The following MUC5B variants were observed in gnomAD, a reference collection of about 807,000 sequenced individuals.
MUC5B encodes mucin 5B, oligomeric mucus/gel-forming.
A neutral mutation model predicts 376.9 loss-of-function variants in MUC5B; 116 were observed. The observed-to-expected ratio is 0.31, with a 90% CI of 0.26 to 0.36. The LOEUF (loss-of-function observed/expected upper bound fraction) is 0.36, where lower values mean the gene tolerates loss of function less well. Ranked by LOEUF, MUC5B falls within the 10% of genes least tolerant of loss-of-function variation. The pLI, the probability that MUC5B is intolerant of heterozygous loss-of-function variation, is 1.00. For synonymous variants in MUC5B, 3,517 were observed against 3,390.9 expected, an observed-to-expected ratio of 1.04 and a Z score of -1.29; for missense variants, 7,165 against 7,769.9, an observed-to-expected ratio of 0.92 and a Z score of 2.93.
intron 39 of MUC5B, 90 bp downstream of exon 39, chr11:1,256,861 T>A: frequency 1.0e-6 from 1 of 985,640 alleles, no homozygotes; most frequent in Non-Finnish European, 1.5e-6. Context: ...CATGATGTGC[T>A]CTCCCCTCTC....
In MUC5B at chr11:1,257,316, G is replaced by A; in HGVS notation, c.16269+45G>A. On this transcript the variant is annotated intron_variant, in intron 40 of 48. Coordinates refer to ENST00000529681, the MANE Select transcript of MUC5B (RefSeq NM_002458.3). The surrounding 1 kb of genome is among the most constrained non-coding windows in gnomAD (Gnocchi z 8.9). ...CCTGCCCTACCCCACCCTCTCGCGA[G>A]CTGAGGGAGGGAGGGAAGGAGCATC... 1.3e-6 allele frequency: 1 copy of A among 791,402 alleles called. No homozygotes were observed. Among genetic ancestry groups the A allele is most frequent in the Middle Eastern group, 2.2e-4 (1 of 4,458 alleles). The allele number at this position is 791,402 out of a possible 1,614,324, so 49.0% of individuals were successfully genotyped here.
Position 1,246,160 on chromosome 11 carries a change from A to T in MUC5B, c.9280A>T (p.Ile3094Phe). 1.2e-6 allele frequency: 2 copies of T among 1,607,350 alleles called. No individual in the cohort carries two copies. Among genetic ancestry groups the T allele is most frequent in the South Asian group, 2.2e-5 (2 of 90,704 alleles). Residue 3094 changes from isoleucine to phenylalanine, a missense_variant, in exon 31 of 49, where the codon ATC becomes TTC. Transcript: ENST00000529681. ...CACACCCATGGCCACCATGTCCACA[A>T]TCCACCCCTCCTCCACTCCGGAGAC... ...TTTPMATMSTIHPSSTPETTH... is the reference protein window; with the variant it reads ...TTTPMATMSTFHPSSTPETTH...
At chr11:1,254,405 G>A in intron 34 of MUC5B, 54 bp downstream of exon 34, 17 of 1,582,900 alleles carry the variant, frequency 1.1e-5, no homozygotes, top group Non-Finnish European at 1.5e-5. Context: ...CCGCACCTGG[G>A]CAGGCCGACT....
Position 1,258,428 on chromosome 11 carries a change from C to G in MUC5B, c.16593+61C>G. The G allele has an allele frequency of 6.3e-7, 1 of 1,581,804 alleles. No individual in the cohort carries two copies. The highest frequency in any genetic ancestry group is 8.6e-7 in the Non-Finnish European group (1 of 1,160,886). The stretch of plus-strand genomic sequence containing the variant: ...GCCTGAACATGTGTGTGGGATGCCC[C>G]GGGGCTCTCTGAGCCCCACTCCTTG... On this transcript the variant is annotated intron_variant, in intron 43 of 48. Coordinates refer to ENST00000529681, the MANE Select transcript of MUC5B (RefSeq NM_002458.3). This position sits in a 1 kb window ranked among gnomAD's most constrained non-coding sequence, Gnocchi z 5.5.
intron 32 of MUC5B, 69 bp downstream of exon 32, chr11:1,252,593 A>T: frequency 6.9e-7 from 1 of 1,439,244 alleles, no homozygotes; most frequent in Non-Finnish European, 9.2e-7. Flanking sequence ...AGGCACAGCC[A>T]CAGTCCAGCT....
chr11:1,224,026 G>A (rs552711685), intron 1 of MUC5B, among the ~76,000 whole-genome samples: 1 of 152,356 alleles, frequency 6.6e-6, no homozygotes, highest in Non-Finnish European at 1.5e-5. Flanking sequence ...GGAGGCAGGG[G>A]GCTTCCCCCA....
At chr11:1,224,361 G>A (rs1861830545) in intron 1 of MUC5B, among the ~76,000 whole-genome samples, 1 of 151,988 alleles carries the variant, frequency 6.6e-6, no homozygotes, top group Non-Finnish European at 1.5e-5. Context: ...CTGGTGGTGG[G>A]CACTTCTCTG....
At position 1,249,060 on chromosome 11, in the gene MUC5B, G is replaced by C. The variant is rs761652043; in HGVS notation, c.12180G>C (p.Gln4060His). 4 of 1,610,084 alleles carry C rather than the reference G, an allele frequency of 2.5e-6. No homozygotes were observed. Among genetic ancestry groups the C allele is most frequent in the Non-Finnish European group, 8.5e-7 (1 of 1,179,268 alleles). The change falls in exon 31 of 49, where the codon CAG becomes CAC. Residue 4060 changes from glutamine (Q) to histidine (H), a missense_variant. By Grantham distance (24) the Gln-to-His change is conservative. Transcript: ENST00000529681. Reference sequence around the variant, plus strand: ...CAGCAGCAACCACCGGTACCACCCAGCACTCGACTCCAGCCCTGTCCAGCC... The same window carrying C: ...CAGCAGCAACCACCGGTACCACCCACCACTCGACTCCAGCCCTGTCCAGCC... Reference protein sequence around the residue: ...HTPAATTGTTQHSTPALSSPH... With the variant: ...HTPAATTGTTHHSTPALSSPH...
Position 1,241,403 on chromosome 11 carries a change from A to C in MUC5B, c.4523A>C (p.Gln1508Pro). ...ACCACCACCTGCCAGCCCCGGTGTC[A>C]GTGGACAGAGTGGTTTGATGAGGAC... is the stretch of plus-strand genomic sequence containing the variant. The part of the protein sequence containing the change: ...PGTTTCQPRC[Q>P]WTEWFDEDYP... The change falls in exon 31 of 49, where the codon CAG becomes CCG. Residue 1508 changes from glutamine to proline, a missense_variant. Physicochemically the swap from Gln to Pro is moderately conservative, Grantham distance 76. Coordinates refer to ENST00000529681, the MANE Select transcript of MUC5B (RefSeq NM_002458.3). 6.2e-7 allele frequency: 1 copy of C among 1,613,498 alleles called. No individual in the cohort carries two copies.
rs1192647390 is a variant in MUC5B, at chr11:1,246,628, A to G, written c.9748A>G (p.Thr3250Ala). 3.7e-6 allele frequency: 6 copies of G among 1,611,490 alleles called. No homozygotes were observed. The highest frequency in any genetic ancestry group is 5.1e-6 in the Non-Finnish European group (6 of 1,179,056). ...IPSSSLGTAW[T>A]RLSQTTTPTA... ...CTCTTCCTCCCTGGGCACCGCCTGG[A>G]CCCGCCTATCACAGACCACCACACC... The change falls in exon 31 of 49, where the codon ACC (threonine) becomes GCC (alanine). Residue 3250 changes from threonine (T) to alanine (A), a missense_variant. Thr to Ala is a moderately conservative substitution (Grantham distance 58). Transcript: ENST00000529681.
chr11:1,230,286 A>G lies in MUC5B; in HGVS notation c.1359+143A>G, dbSNP rs897669108. On this transcript the variant is annotated intron_variant, in intron 11 of 48. Coordinates refer to ENST00000529681, the MANE Select transcript of MUC5B (RefSeq NM_002458.3). The stretch of plus-strand genomic sequence containing the variant: ...GGAGCCCTGGGTCCCCATGATGGTC[A>G]TAGAGGGATGGCTCTCCCTGCTGAG... 5 of 1,301,960 alleles carry G rather than the reference A, an allele frequency of 3.8e-6. No individual in the cohort carries two copies. In the African/African-American group the frequency reaches 4.4e-5, roughly 12 times the overall value. 80.7% of individuals were successfully genotyped at this position (1,301,960 alleles called of 1,614,324 possible).
At chr11:1,259,569 AGGTGCT>A (rs1428454833) in intron 44 of MUC5B, 181 bp from the exon 45 acceptor site, 6 of 613,264 alleles carry the variant, frequency 9.8e-6, no homozygotes, top group Non-Finnish European at 1.7e-5. Context: ...GGCAGAGAGA[AGGTGCT>A]GGAAACTGGG....
In MUC5B at chr11:1,257,668, A is replaced by G. The variant is rs1862877748; in HGVS notation, c.16408A>G (p.Arg5470Gly). 5.1e-6 allele frequency: 8 copies of G among 1,582,084 alleles called. No individual in the cohort carries two copies. Among genetic ancestry groups the G allele is most frequent in the Non-Finnish European group, 6.8e-6 (8 of 1,171,370 alleles). Residue 5470 changes from arginine to glycine, a missense_variant, in exon 41 of 49, where the codon AGG becomes GGG. By Grantham distance (125) the Arg-to-Gly change is moderately radical (BLOSUM62 -2). Around this residue, in one of 31 missense-constraint regions of MUC5B, gnomAD observed 842 missense variants for 1,016.9 expected, o/e 0.83. Transcript: ENST00000529681. This position sits in a 1 kb window ranked among gnomAD's most constrained non-coding sequence, Gnocchi z 8.9. The stretch of plus-strand genomic sequence containing the variant: ...CCGTCCCGGCTTCGTAACCGTGACC[A>G]GGCCCCGGGCCGAGAACCCCTGCTG... ...CNRPGFVTVT[R>G]PRAENPCCPE...
intron 35 of MUC5B, 25 bp from the exon 36 acceptor site, chr11:1,255,016 C>T (rs370997364): frequency 5.1e-6 from 8 of 1,560,368 alleles, no homozygotes; most frequent in Non-Finnish European, 6.1e-6. Context: ...AGATTCCAGC[C>T]CCGCGGTGAC....
chr11:1,250,176 G>C lies in MUC5B; in HGVS notation c.13296G>C (p.Ala4432=). The change falls in exon 31 of 49, where the codon GCG becomes GCC. Residue 4432 remains alanine (A), a synonymous_variant. Transcript: ENST00000529681. ...TELTTTATTT[A]STGSTATPSS... ...TGACCACAACAGCCACTACGACTGC[G>C]TCCACTGGATCCACGGCCACCCCGT... 2 of 1,585,482 alleles carry C rather than the reference G, an allele frequency of 1.3e-6. No homozygotes were observed. The highest frequency in any genetic ancestry group is 1.1e-5 in the South Asian group (1 of 90,074).
chr11:1,254,905 C>G lies in MUC5B; in HGVS notation c.15664+25C>G, dbSNP rs55990509. 19 of 1,599,652 alleles carry G rather than the reference C, an allele frequency of 1.2e-5. No individual in the cohort carries two copies. In the Admixed American group the frequency reaches 1.5e-4, roughly 13 times the overall value. On this transcript the variant is annotated intron_variant, in intron 35 of 48. Transcript: ENST00000529681. ...GGTGAGTGGGCGGCGGGTCCTGCCC[C>G]GGCCAGGGCTGCTGCTGGGCCTGAC...
Position 1,261,918 on chromosome 11 carries a change from C to G in MUC5B, c.*310C>G. On this transcript the variant is annotated 3_prime_UTR_variant, in exon 49 of 49. Coordinates refer to ENST00000529681, the MANE Select transcript of MUC5B (RefSeq NM_002458.3). ...ACTAAGCATGTGCGGGCCTATGTGT[C>G]CCTGCCACGGCCGGAGCGCCCGCGC... 1.7e-6 allele frequency: 1 copy of G among 605,880 alleles called. No homozygotes were observed. The allele number at this position is 605,880 out of a possible 1,614,324, so 37.5% of individuals were successfully genotyped here. A position where few individuals can be genotyped will look rare whatever the true frequency, so the allele number is the denominator to read the frequency against.
Position 1,261,652 on chromosome 11 carries a change from G to T in MUC5B, c.*44G>T. ...CCCATGCTCTGTCCACCTGGAGCCA[G>T]GATGTGCATTGTCTGATCATGAAAA... is the stretch of plus-strand genomic sequence containing the variant. On this transcript the variant is annotated 3_prime_UTR_variant, in exon 49 of 49. Transcript: ENST00000529681. 1 of 1,536,104 alleles carries T rather than the reference G, an allele frequency of 6.5e-7. No individual in the cohort carries two copies. Among genetic ancestry groups the T allele is most frequent in the East Asian group, 2.4e-5 (1 of 41,814 alleles).
At chr11:1,231,677 C>A in intron 14 of MUC5B, 117 bp downstream of exon 14, 1 of 1,293,314 alleles carries the variant, frequency 7.7e-7, no homozygotes, top group Non-Finnish European at 1.0e-6. Flanking sequence ...GGGGCTGCCC[C>A]CAGGGCATGG....
Sources: allele counts gnomAD v4.1 joint callset (sites outside exome capture counted in the v4.1 genomes callset), GRCh38; gene constraint gnomAD v4.1.1; regional missense constraint gnomAD v4.1.1; non-coding constraint Gnocchi (gnomAD v3.1); transcripts MANE v1.5; gene names NCBI Gene and HGNC (gene_info 2026-07-23, HGNC 2026-07-21).